MTMR10: variants seen among roughly 807,000 people sequenced by gnomAD.
MTMR10 encodes the protein myotubularin-related protein 10.
Under a neutral mutation model 88.1 loss-of-function variants are expected in MTMR10, and 56 were observed. The ratio of observed to expected loss-of-function variants is 0.64; its 90% CI spans 0.51 to 0.79. MTMR10 has a LOEUF of 0.79. Among genes scored for constraint, MTMR10 ranks in the 30% least tolerant of loss-of-function variants. The probability of loss-of-function intolerance (pLI) is 0.00; values close to 1 mark genes in which losing one functional copy is unlikely to be tolerated. For synonymous variants in MTMR10, 380 were observed against 340.9 expected, an observed-to-expected ratio of 1.11 and a Z score of -1.26; for missense variants, 883 against 924.7, an observed-to-expected ratio of 0.95 and a Z score of 0.58.
chr15:30,943,104 C>A, intron 14 of MTMR10, 32 bp from the exon 15 acceptor site: 1 of 1,524,986 alleles, frequency 6.6e-7, no homozygotes, highest in Non-Finnish European at 8.8e-7. Context: ...ATTTGCAAAA[C>A]TAAAGATTCT....
At chr15:30,968,672 GCT>G (rs2141037708) in intron 5 of MTMR10, among the ~76,000 whole-genome samples, 1 of 152,114 alleles carries the variant, frequency 6.6e-6, no homozygotes, top group East Asian at 1.9e-4. Context: ...TTGAATCCTA[GCT>G]CTGTCAAGTA....
At chr15:30,933,885 T>G in the MTMR10 span, among the ~76,000 whole-genome samples, 2 of 152,108 alleles carry the variant, frequency 1.3e-5, no homozygotes, top group Non-Finnish European at 2.9e-5. Context: ...CTCAGCCTGT[T>G]GAGTAGCCCG....
the MTMR10 span, chr15:30,922,357 A>G: frequency 1.9e-6 from 3 of 1,595,954 alleles, no homozygotes; most frequent in Non-Finnish European, 1.7e-6. Context: ...TGGAACCGGT[A>G]CTCAGTAACA....
At position 30,940,782 on chromosome 15, in the gene MTMR10, T is replaced by TAGG; in HGVS notation, c.*687_*688insCCT. 1.0e-6 allele frequency: 1 copy of TAGG among 986,922 alleles called. No individual in the cohort carries two copies. Among genetic ancestry groups the TAGG allele is most frequent in the Non-Finnish European group, 1.2e-6 (1 of 830,672 alleles). 61.1% of individuals were successfully genotyped at this position (986,922 alleles called of 1,614,324 possible). A position where few individuals can be genotyped will look rare whatever the true frequency, so the allele number is the denominator to read the frequency against. On this transcript the variant is annotated 3_prime_UTR_variant, in exon 16 of 16. Transcript: ENST00000435680. The stretch of plus-strand genomic sequence containing the variant: ...CCACCCCAATTTTAAAAAGTGAAAT[T>TAGG]ATATTTTCTTCTGTAATATTTGTAT...
At position 30,938,992 on chromosome 15, in the gene MTMR10, T is replaced by C. The variant is rs1258691006; in HGVS notation, c.*2478A>G. 2.4e-5 allele frequency: 24 copies of C among 985,232 alleles called. No individual in the cohort carries two copies. Among genetic ancestry groups the C allele is most frequent in the Non-Finnish European group, 2.9e-5 (24 of 829,848 alleles). The allele number at this position is 985,232 out of a possible 1,614,324, so 61.0% of individuals were successfully genotyped here. ...CCATCAAAATTTCCTTCACATTCAA[T>C]ACTGTTGAACAACAAGATAACACAT... On this transcript the variant is annotated 3_prime_UTR_variant, in exon 16 of 16. Transcript: ENST00000435680.
In MTMR10 at chr15:30,941,824, GCA is replaced by G. The variant is rs2140986593; in HGVS notation, c.1978_1979del (p.Cys660LeufsTer27). 6.2e-7 allele frequency: 1 copy of G among 1,614,072 alleles called. No individual in the cohort carries two copies. Among genetic ancestry groups the G allele is most frequent in the Non-Finnish European group, 8.5e-7 (1 of 1,179,908 alleles). Reference protein sequence around the residue: ...SGTHIKLWKLCYFRWVPEAQI... With the variant: ...SGTHIKLWKLXYFRWVPEAQI... ...GGGCCTCGGGAACCCAGCGGAAGTA[GCA>G]CAGTTTCCACAGTTTTATGTGTGTT... is the stretch of plus-strand genomic sequence containing the variant. On this transcript the variant is annotated frameshift_variant, in exon 16 of 16. Coordinates refer to ENST00000435680, the MANE Select transcript of MTMR10 (RefSeq NM_017762.3). LOFTEE classifies it high-confidence loss of function.
At chr15:30,967,868 TA>T in intron 6 of MTMR10, 51 bp downstream of exon 6, 1 of 1,421,972 alleles carries the variant, frequency 7.0e-7, no homozygotes. Flanking sequence ...AACATAAGAG[TA>T]AAATTTACAC....
chr15:30,949,258 CTGG>C (rs1204879812), intron 12 of MTMR10: 6 of 152,188 alleles, frequency 3.9e-5, no homozygotes, highest in African/African-American at 1.4e-4. Flanking sequence ...TCCCATTTCA[CTGG>C]TGAAAGACTG....
chr15:30,940,206 C>T lies in MTMR10; in HGVS notation c.*1264G>A. 1.0e-6 allele frequency: 1 copy of T among 985,366 alleles called. No individual in the cohort carries two copies. Among genetic ancestry groups the T allele is most frequent in the Non-Finnish European group, 1.2e-6 (1 of 829,912 alleles). The allele number at this position is 985,366 out of a possible 1,614,324, so 61.0% of individuals were successfully genotyped here. On this transcript the variant is annotated 3_prime_UTR_variant, in exon 16 of 16. Coordinates refer to ENST00000435680, the MANE Select transcript of MTMR10 (RefSeq NM_017762.3). ...GTGTGGGGGAGGTGGTGCCCCGTTT[C>T]ACTGCTGTAAGAAGCTTCAGCTTTG...
chr15:30,943,691 G>A (rs566374622), intron 14 of MTMR10: 5 of 985,298 alleles, frequency 5.1e-6, no homozygotes, highest in South Asian at 4.7e-5. Context: ...CCTCTAGCCC[G>A]GACTCTGGGC....
At chr15:30,931,387 A>G in the MTMR10 span, among the ~76,000 whole-genome samples, 5 of 151,982 alleles carry the variant, frequency 3.3e-5, no homozygotes, top group Admixed American at 3.3e-4. Flanking sequence ...TTGTCTTTTC[A>G]TTTTCTTAAT....
At chr15:30,930,617 T>C in the MTMR10 span, 312 of 1,612,998 alleles carry the variant, frequency 1.9e-4, 4 homozygotes, top group East Asian at 5.4e-3. Flanking sequence ...TTCGACACTG[T>C]CGAGGGGGCC....
chr15:30,974,845 A>G, intron 4 of MTMR10, 86 bp downstream of exon 4: 2 of 969,410 alleles, frequency 2.1e-6, no homozygotes, highest in South Asian at 5.1e-5. Context: ...TAAAACGCCA[A>G]TCCAAGTATT....
rs1384205816 is a variant in MTMR10, at chr15:30,940,008, A to T, written c.*1462T>A. ...TTAAAAGGCAAATAATTCAAAAAGAAACAGCTATTCAGTACATATAAAGGT... is the reference window on the plus strand; with the variant it reads ...TTAAAAGGCAAATAATTCAAAAAGATACAGCTATTCAGTACATATAAAGGT... On this transcript the variant is annotated 3_prime_UTR_variant, in exon 16 of 16. Coordinates refer to ENST00000435680, the MANE Select transcript of MTMR10 (RefSeq NM_017762.3). The T allele has an allele frequency of 1.0e-6, 1 of 976,194 alleles. No individual in the cohort carries two copies. The highest frequency in any genetic ancestry group is 1.2e-6 in the Non-Finnish European group (1 of 821,680). The allele number at this position is 976,194 out of a possible 1,614,324, so 60.5% of individuals were successfully genotyped here. A position where few individuals can be genotyped will look rare whatever the true frequency, so the allele number is the denominator to read the frequency against.
the MTMR10 span, chr15:30,930,504 A>T: frequency 6.4e-7 from 1 of 1,559,912 alleles, no homozygotes; most frequent in Middle Eastern, 1.7e-4. Context: ...ATTCTCTGTC[A>T]CGAGGGAAGT....
intron 2 of MTMR10, among the ~76,000 whole-genome samples, chr15:30,986,786 C>T (rs990175069): frequency 2.0e-5 from 3 of 152,168 alleles, no homozygotes; most frequent in African/African-American, 7.2e-5. Flanking sequence ...CAACAGGCAG[C>T]TTAGGGCTCA....
the MTMR10 span, among the ~76,000 whole-genome samples, chr15:30,923,091 C>T: frequency 6.6e-6 from 1 of 152,184 alleles, no homozygotes; most frequent in African/African-American, 2.4e-5. Flanking sequence ...TTGATTTTTT[C>T]AGTGGCCCAT....
At chr15:30,959,912 A>C (rs994755320) in intron 7 of MTMR10, among the ~76,000 whole-genome samples, 3 of 152,248 alleles carry the variant, frequency 2.0e-5, no homozygotes, top group Non-Finnish European at 4.4e-5. Flanking sequence ...AATGACATTA[A>C]ACAAATTAAA....
At chr15:30,955,332 A>C (rs1042657712) in intron 9 of MTMR10, among the ~76,000 whole-genome samples, 8 of 152,092 alleles carry the variant, frequency 5.3e-5, no homozygotes, top group African/African-American at 1.4e-4. Flanking sequence ...GTGCAGTGGC[A>C]CCATCTCGGC....
Sources: allele counts gnomAD v4.1 joint callset (sites outside exome capture counted in the v4.1 genomes callset), GRCh38; gene constraint gnomAD v4.1.1; transcripts MANE v1.5; gene names NCBI Gene and HGNC (gene_info 2026-07-23, HGNC 2026-07-21).